Variants in GID4 observed in about 807,000 individuals in gnomAD.
GID4 encodes glucose-induced degradation protein 4 homolog.
A neutral mutation model predicts 32.4 loss-of-function variants in GID4; 7 were observed. The observed-to-expected ratio is 0.22, with a 90% CI of 0.12 to 0.41. The LOEUF is 0.41. Ranked by LOEUF, GID4 falls within the 10% of genes least tolerant of loss-of-function variation. GID4 has a pLI of 1.00. For synonymous variants in GID4, 166 were observed against 170.0 expected (o/e 0.98, Z 0.18); for missense variants, 309 against 400.0 (o/e 0.77, Z 1.94).
At position 18,067,809 on chromosome 17, in the gene GID4, G is replaced by A. The variant is rs2045080827; in HGVS notation, c.*2566G>A. ...TCCATCCCAAACAAGCCTGCCATGA[G>A]GTAGGATCCTAGGGGTTTGGCTGTT... is the stretch of plus-strand genomic sequence containing the variant. On this transcript the variant is annotated 3_prime_UTR_variant, in exon 6 of 6. Coordinates refer to ENST00000268719, the MANE Select transcript of GID4 (RefSeq NM_024052.5). 6.6e-6 allele frequency: 1 copy of A among 152,640 alleles called. No homozygotes were observed. The highest frequency in any genetic ancestry group is 1.5e-5 in the Non-Finnish European group (1 of 68,048). 9.5% of individuals were successfully genotyped at this position (152,640 alleles called of 1,614,324 possible).
rs552782618 is a variant in GID4 at position 18,061,459 on chromosome 17, G to A, written c.709-386G>A. The stretch of plus-strand genomic sequence containing the variant: ...TTATCAAGCATCTGTTGACAGTTCT[G>A]AGAACTGGAGCAGAAACTTCGCTCT... On this transcript the variant is annotated intron_variant, in intron 4 of 5. Coordinates refer to ENST00000268719, the MANE Select transcript of GID4 (RefSeq NM_024052.5). The surrounding 1 kb of genome is among the most constrained non-coding windows in gnomAD (Gnocchi z 4.4). Among the ~76,000 whole-genome samples the A allele has an allele frequency of 2.6e-5, 4 of 152,300 alleles. No individual in the cohort carries two copies. Among genetic ancestry groups the A allele is most frequent in the South Asian group, 4.1e-4 (2 of 4,834 alleles).
At chr17:18,044,648 A>G (rs1192466502) in intron 1 of GID4, among the ~76,000 whole-genome samples, 1 of 152,234 alleles carries the variant, frequency 6.6e-6, no homozygotes, top group East Asian at 1.9e-4. Flanking sequence ...ATAAAGAGAT[A>G]ATGCAGGATG....
rs2045059503 is a variant in GID4 at position 18,066,107 on chromosome 17, T to C, written c.*864T>C. Reference sequence around the variant, plus strand: ...CACAATTATTCAGAATTACATTTTATCGTTTTCACATTGAAAACAGCAAAT... The same window carrying C: ...CACAATTATTCAGAATTACATTTTACCGTTTTCACATTGAAAACAGCAAAT... On this transcript the variant is annotated 3_prime_UTR_variant, in exon 6 of 6. Coordinates refer to ENST00000268719, the MANE Select transcript of GID4 (RefSeq NM_024052.5). 1 of 152,636 alleles carries C rather than the reference T, an allele frequency of 6.6e-6. No individual in the cohort carries two copies. The highest frequency in any genetic ancestry group is 2.1e-4 in the South Asian group (1 of 4,838). 9.5% of individuals were successfully genotyped at this position (152,636 alleles called of 1,614,324 possible). A position where few individuals can be genotyped will look rare whatever the true frequency, so the allele number is the denominator to read the frequency against.
At chr17:18,057,127 A>G (rs2145568006) in intron 3 of GID4, 2 of 1,420,160 alleles carry the variant, frequency 1.4e-6, no homozygotes, top group Non-Finnish European at 1.9e-6. Context: ...TTCAGTCTAC[A>G]TAGGATAAAA....
intron 5 of GID4, chr17:18,062,251 C>T: frequency 3.2e-6 from 1 of 316,764 alleles, no homozygotes; most frequent in Non-Finnish European, 6.0e-6. Context: ...CAATGTTTAT[C>T]TCAATCTTGC....
rs909007948 is a variant in GID4, at chr17:18,039,978, C to T, written c.438+76C>T. ...GGCCGTGCCCGCTTCGGCTCCTCGACCCCGCAGCCGCGGAACAGGCCCTCG... is the reference window on the plus strand; with the variant it reads ...GGCCGTGCCCGCTTCGGCTCCTCGATCCCGCAGCCGCGGAACAGGCCCTCG... On this transcript the variant is annotated intron_variant, in intron 1 of 5. Transcript: ENST00000268719. The surrounding 1 kb of genome is among the most constrained non-coding windows in gnomAD (Gnocchi z 5.3). 80 of 1,271,814 alleles carry T rather than the reference C, an allele frequency of 6.3e-5. No homozygotes were observed. Among genetic ancestry groups the T allele is most frequent in the Non-Finnish European group, 7.7e-5 (77 of 1,005,300 alleles). The allele number at this position is 1,271,814 out of a possible 1,614,324, so 78.8% of individuals were successfully genotyped here. A position where few individuals can be genotyped will look rare whatever the true frequency, so the allele number is the denominator to read the frequency against.
intron 2 of GID4, among the ~76,000 whole-genome samples, chr17:18,049,831 T>C (rs1306209204): frequency 6.6e-6 from 1 of 152,168 alleles, no homozygotes; most frequent in Non-Finnish European, 1.5e-5. Context: ...GGTTTCACCA[T>C]GTTGGCTAGG....
intron 2 of GID4, among the ~76,000 whole-genome samples, chr17:18,053,293 G>A (rs1265615084): frequency 2.7e-5 from 4 of 150,472 alleles, no homozygotes; most frequent in East Asian, 2.0e-4. Context: ...GATTACAGGC[G>A]TGAGCCACCA....
chr17:18,046,648 G>A lies in GID4; in HGVS notation c.498+1442G>A, dbSNP rs575253186. ...AAAAAAAAAAAAATTGGGGTCGGGC[G>A]TGGTGGCTCACACCTGTAATCCCAG... On this transcript the variant is annotated intron_variant, in intron 2 of 5. Coordinates refer to ENST00000268719, the MANE Select transcript of GID4 (RefSeq NM_024052.5). Among the ~76,000 whole-genome samples, 6 of 151,928 alleles carry A rather than the reference G, an allele frequency of 3.9e-5. No individual in the cohort carries two copies. The South Asian group carries it at 6.2e-4, about 16-fold the overall frequency.
At chr17:18,041,661 C>T (rs2044804933) in intron 1 of GID4, among the ~76,000 whole-genome samples, 2 of 152,144 alleles carry the variant, frequency 1.3e-5, no homozygotes, top group African/African-American at 2.4e-5. Flanking sequence ...GGGTGGGTCA[C>T]GTTTGGGATG....
At position 18,052,028 on chromosome 17, in the gene GID4, C is replaced by G. The variant is rs1280381544; in HGVS notation, c.499-2099C>G. ...GGCAGAGGTTGCAGTGAGCCGAGAT[C>G]GTGCCACTGCATTCCGGTCTGGGCG... On this transcript the variant is annotated intron_variant, in intron 2 of 5. Transcript: ENST00000268719. Among the ~76,000 whole-genome samples, 63 of 150,044 alleles carry G rather than the reference C, an allele frequency of 4.2e-4. 1 individual carries two copies. The highest frequency in any genetic ancestry group is 4.2e-3 in the Admixed American group (63 of 15,040).
chr17:18,057,276 A>G, intron 3 of GID4: 1 of 408,972 alleles, frequency 2.4e-6, no homozygotes, highest in Non-Finnish European at 4.5e-6. Flanking sequence ...TACCAAAAAT[A>G]TAAAAATTAA....
At chr17:18,046,565 G>A (rs2044854294) in intron 2 of GID4, among the ~76,000 whole-genome samples, 1 of 151,820 alleles carries the variant, frequency 6.6e-6, no homozygotes, top group Non-Finnish European at 1.5e-5. Flanking sequence ...CTGTGATCAT[G>A]CCTGTGAATA....
intron 3 of GID4, among the ~76,000 whole-genome samples, chr17:18,058,020 A>C (rs2044985430): frequency 6.6e-6 from 1 of 152,134 alleles, no homozygotes; most frequent in Admixed American, 6.6e-5. Context: ...TTTTTAGTAG[A>C]GACAGGGTTT....
At chr17:18,059,092 A>G in intron 4 of GID4, 123 bp downstream of exon 4, 1 of 627,216 alleles carries the variant, frequency 1.6e-6, no homozygotes, top group South Asian at 2.0e-5. Context: ...TGTCATGGCA[A>G]AGTCTTCATG....
chr17:18,054,359 A>G (rs185851976), intron 3 of GID4, 125 bp downstream of exon 3: 12 of 587,254 alleles, frequency 2.0e-5, no homozygotes, highest in Middle Eastern at 5.4e-4. Context: ...AAAAGGTTGC[A>G]CTGCACACAG....
chr17:18,054,268 G>A, intron 3 of GID4, 34 bp downstream of exon 3: 1 of 1,294,814 alleles, frequency 7.7e-7, no homozygotes, highest in African/African-American at 1.5e-5. Flanking sequence ...GGTCATCTAG[G>A]GGCTGCTAGA....
chr17:18,056,764 G>A (rs769591913), intron 3 of GID4: 8 of 1,550,508 alleles, frequency 5.2e-6, no homozygotes, highest in Non-Finnish European at 7.0e-6. Context: ...TTTTGGGTGA[G>A]AGAGGAACTA....
In GID4 at chr17:18,066,310, C is replaced by G. The variant is rs186706351; in HGVS notation, c.*1067C>G. The stretch of plus-strand genomic sequence containing the variant: ...ATTTGTGCCGCCTCCTTTTGCTACT[C>G]AAAACAGCAATGCTTGGCGGCAGCC... On this transcript the variant is annotated 3_prime_UTR_variant, in exon 6 of 6. Coordinates refer to ENST00000268719, the MANE Select transcript of GID4 (RefSeq NM_024052.5). 72 of 152,636 alleles carry G rather than the reference C, an allele frequency of 4.7e-4. No homozygotes were observed. The highest frequency in any genetic ancestry group is 1.7e-3 in the African/African-American group (70 of 41,546). The allele number at this position is 152,636 out of a possible 1,614,324, so 9.5% of individuals were successfully genotyped here.
Sources: allele counts gnomAD v4.1 joint callset (sites outside exome capture counted in the v4.1 genomes callset), GRCh38; gene constraint gnomAD v4.1.1; non-coding constraint Gnocchi (gnomAD v3.1); transcripts MANE v1.5; gene names NCBI Gene and HGNC (gene_info 2026-07-23, HGNC 2026-07-21).